Variants in SEPTIN14 observed in about 807,000 individuals in gnomAD.
The protein encoded by SEPTIN14 is septin-14.
In SEPTIN14, 40 loss-of-function variants were observed where a neutral mutation model predicts 53.6. The observed-to-expected ratio is 0.75, with a 90% CI of 0.58 to 0.97. The LOEUF (loss-of-function observed/expected upper bound fraction) is 0.97, where lower values mean the gene tolerates loss of function less well. Ranked by LOEUF, SEPTIN14 falls within the 50% of genes least tolerant of loss-of-function variation. The probability of loss-of-function intolerance (pLI) is 0.00; values close to 1 mark genes in which losing one functional copy is unlikely to be tolerated. For synonymous variants in SEPTIN14, 138 were observed against 166.8 expected (o/e 0.83, Z 1.33); for missense variants, 471 against 508.2 (o/e 0.93, Z 0.70).
intron 7 of SEPTIN14, among the ~76,000 whole-genome samples, chr7:55,816,959 G>A (rs1788803635): frequency 6.6e-6 from 1 of 152,116 alleles, no homozygotes; most frequent in African/African-American, 2.4e-5. Context: ...AAAACGGTAT[G>A]GAGTTTCTTC....
intron 2 of SEPTIN14, among the ~76,000 whole-genome samples, chr7:55,861,267 G>A (rs781636660): frequency 2.4e-4 from 37 of 152,166 alleles, no homozygotes; most frequent in Non-Finnish European, 5.1e-4. Flanking sequence ...GGAGACTGAG[G>A]CGGGTAGATC....
At chr7:55,829,996 G>A (rs1353997755) in intron 6 of SEPTIN14, among the ~76,000 whole-genome samples, 1 of 151,486 alleles carries the variant, frequency 6.6e-6, no homozygotes, top group Non-Finnish European at 1.5e-5. Context: ...GGCTAACACG[G>A]TGAAACCCCG....
In SEPTIN14 at chr7:55,817,966, C is replaced by T. The variant is rs542347245; in HGVS notation, c.817+1161G>A. ...AATTAATGAAAAATAATTTGTATGG[C>T]TCTCTCCTGTGTTTGTCATGTCCAG... On this transcript the variant is annotated intron_variant, in intron 7 of 9. Transcript: ENST00000388975. Among the ~76,000 whole-genome samples the T allele has an allele frequency of 8.6e-4, 131 of 152,100 alleles. 1 individual carries two copies. The highest frequency in any genetic ancestry group is 1.4e-3 in the Non-Finnish European group (95 of 68,000).
rs1325557249 is a variant in SEPTIN14 at position 55,794,083 on chromosome 7, A to G, written c.*1830T>C. The G allele has an allele frequency of 6.6e-6, 1 of 152,142 alleles. No homozygotes were observed. Among genetic ancestry groups the G allele is most frequent in the East Asian group, 1.9e-4 (1 of 5,200 alleles). The allele number at this position is 152,142 out of a possible 1,614,324, so 9.4% of individuals were successfully genotyped here. On this transcript the variant is annotated 3_prime_UTR_variant, in exon 10 of 10. Transcript: ENST00000388975. ...AAAAATATGCCTTATAGTATCATAT[A>G]ATATCATGTTTTATAGCTCTTGGAA... is the stretch of plus-strand genomic sequence containing the variant.
rs183724999 is a variant in SEPTIN14, at chr7:55,820,281, G to A, written c.721-1058C>T. Among the ~76,000 whole-genome samples the A allele has an allele frequency of 2.0e-5, 3 of 152,262 alleles. No individual in the cohort carries two copies. In the East Asian group the frequency reaches 5.8e-4, roughly 29 times the overall value. ...CTCCCAAAGTGCTGAGATTACGGGC[G>A]TGAGCCACCACGCCCATCCCAAATA... is the stretch of plus-strand genomic sequence containing the variant. On this transcript the variant is annotated intron_variant, in intron 6 of 9. Transcript: ENST00000388975.
chr7:55,804,134 T>TA (rs35467838), intron 9 of SEPTIN14, among the ~76,000 whole-genome samples: 711 of 46,954 alleles, frequency 0.015, 52 homozygotes, highest in African/African-American at 0.028. Context: ...AGACTCTGTC[T>TA]AAAAAAAAAA....
At chr7:55,830,357 T>TAGACGGAGTCTCGCTC (rs1789087747) in intron 6 of SEPTIN14, among the ~76,000 whole-genome samples, 1 of 120,934 alleles carries the variant, frequency 8.3e-6, no homozygotes, top group East Asian at 2.3e-4. Context: ...ATATTTTTTT[T>TAGACGGAGTCTCGCTC]TTTTTTTGAG....
chr7:55,846,175 A>G (rs1789405983), intron 3 of SEPTIN14, among the ~76,000 whole-genome samples: 1 of 147,954 alleles, frequency 6.8e-6, no homozygotes, highest in African/African-American at 2.5e-5. Flanking sequence ...GACTTTTAAG[A>G]GCACAGGAAT....
chr7:55,834,537 TC>T lies in SEPTIN14; in HGVS notation c.607del (p.Asp203IlefsTer9). On this transcript the variant is annotated frameshift_variant, in exon 6 of 10. Coordinates refer to ENST00000388975, the MANE Select transcript of SEPTIN14 (RefSeq NM_207366.3). LOFTEE classifies it high-confidence loss of function. ...IAKADTISKNDLQTFKNKIMS... is the reference protein window; with the variant it reads ...IAKADTISKNXLQTFKNKIMS... ...TATCTTATTCTTAAACGTCTGTAAA[TC>T]ATTTTTAGAAATAGTGTCTGCTTTG... The T allele has an allele frequency of 1.9e-6, 3 of 1,611,330 alleles. No homozygotes were observed. In the South Asian group the frequency reaches 3.3e-5, roughly 18 times the overall value.
At chr7:55,840,227 G>A (rs1391662482) in intron 5 of SEPTIN14, among the ~76,000 whole-genome samples, 6 of 150,734 alleles carry the variant, frequency 4.0e-5, no homozygotes, top group Admixed American at 6.7e-5. Context: ...AGTGACTCAC[G>A]CCTGTAATCC....
At chr7:55,852,723 A>C (rs1229725468) in intron 2 of SEPTIN14, among the ~76,000 whole-genome samples, 2 of 152,170 alleles carry the variant, frequency 1.3e-5, no homozygotes, top group Non-Finnish European at 2.9e-5. Flanking sequence ...CTACACAGCA[A>C]AGAAAGTGAT....
At chr7:55,804,606 G>A (rs1346143107) in intron 9 of SEPTIN14, among the ~76,000 whole-genome samples, 2 of 151,986 alleles carry the variant, frequency 1.3e-5, no homozygotes, top group African/African-American at 4.8e-5. Context: ...GAGACATCTG[G>A]CCTATAGCAC....
At chr7:55,847,669 G>A (rs1386653442) in intron 2 of SEPTIN14, among the ~76,000 whole-genome samples, 1 of 152,158 alleles carries the variant, frequency 6.6e-6, no homozygotes, top group Non-Finnish European at 1.5e-5. Context: ...ATGATTGTAA[G>A]CTGGAGATCC....
rs896117189 is a variant in SEPTIN14 at position 55,796,104 on chromosome 7, A to G, written c.1120-12T>C. 7 of 1,474,698 alleles carry G rather than the reference A, an allele frequency of 4.7e-6. No homozygotes were observed. Among genetic ancestry groups the G allele is most frequent in the Non-Finnish European group, 5.6e-6 (6 of 1,069,754 alleles). The allele number at this position is 1,474,698 out of a possible 1,614,324, so 91.4% of individuals were successfully genotyped here. Reference sequence around the variant, plus strand: ...AACTTGTCCTGCAGCTGTGAAACCAATGTGCAGTTGTGACACCAAAGCACA... The same window carrying G: ...AACTTGTCCTGCAGCTGTGAAACCAGTGTGCAGTTGTGACACCAAAGCACA... On this transcript the variant is annotated splice_polypyrimidine_tract_variant and intron_variant, in intron 9 of 9. Coordinates refer to ENST00000388975, the MANE Select transcript of SEPTIN14 (RefSeq NM_207366.3).
At chr7:55,846,065 G>GTGTATATATATATATATA (rs1789398723) in intron 3 of SEPTIN14, among the ~76,000 whole-genome samples, 4 of 39,746 alleles carry the variant, frequency 1.0e-4, no homozygotes, top group African/African-American at 2.9e-4. Flanking sequence ...AAAAAAAAAA[G>GTGTATATATATATATATA]TATATATATA....
At chr7:55,858,512 C>G (rs1171610515) in intron 2 of SEPTIN14, among the ~76,000 whole-genome samples, 1 of 152,078 alleles carries the variant, frequency 6.6e-6, no homozygotes, top group Non-Finnish European at 1.5e-5. Context: ...GCATTCAAAG[C>G]CCATAGGGTA....
intron 2 of SEPTIN14, among the ~76,000 whole-genome samples, chr7:55,856,345 A>G (rs1789623852): frequency 1.3e-5 from 2 of 151,764 alleles, no homozygotes; most frequent in African/African-American, 4.8e-5. Context: ...CAAAGGACAC[A>G]TTTCATTTTT....
intron 6 of SEPTIN14, among the ~76,000 whole-genome samples, chr7:55,829,237 T>C (rs1422098483): frequency 6.6e-6 from 1 of 151,288 alleles, no homozygotes; most frequent in African/African-American, 2.4e-5. Context: ...AAATCAGCTG[T>C]GCATGGTGGC....
chr7:55,814,496 T>C (rs534927331), intron 7 of SEPTIN14, among the ~76,000 whole-genome samples: 1 of 152,174 alleles, frequency 6.6e-6, no homozygotes, highest in African/African-American at 2.4e-5. Context: ...TCTATTAGCA[T>C]TATTATATGC....
Sources: allele counts gnomAD v4.1 joint callset (sites outside exome capture counted in the v4.1 genomes callset), GRCh38; gene constraint gnomAD v4.1.1; transcripts MANE v1.5; gene names NCBI Gene and HGNC (gene_info 2026-07-23, HGNC 2026-07-21).